FBXL17: variants seen among roughly 807,000 people sequenced by gnomAD.
FBXL17 encodes F-box/LRR-repeat protein 17.
A neutral mutation model predicts 66.2 loss-of-function variants in FBXL17; 22 were observed. That is an observed-to-expected ratio of 0.33 (90% CI 0.24 to 0.47). The LOEUF (loss-of-function observed/expected upper bound fraction) is 0.47, where lower values mean the gene tolerates loss of function less well. Among genes scored for constraint, FBXL17 ranks in the 20% least tolerant of loss-of-function variants. The pLI is 1.00. For missense variants in FBXL17, 878 were observed against 948.2 expected (o/e 0.93, Z 0.97); for synonymous variants, 474 against 400.5 (o/e 1.18, Z -2.19).
intron 4 of FBXL17, among the ~76,000 whole-genome samples, chr5:108,330,719 C>T (rs989151930): frequency 6.6e-6 from 1 of 152,026 alleles, no homozygotes; most frequent in Non-Finnish European, 1.5e-5. Context: ...ATCACAGGTA[C>T]ACACACATCA....
At chr5:107,973,608 G>A (rs113467836) in intron 7 of FBXL17, among the ~76,000 whole-genome samples, 3 of 152,026 alleles carry the variant, frequency 2.0e-5, no homozygotes, top group South Asian at 2.1e-4. Context: ...GTTTTGAAAT[G>A]TGATTTATAT....
chr5:108,294,358 ATTC>A (rs1758259274), intron 4 of FBXL17, among the ~76,000 whole-genome samples: 1 of 150,940 alleles, frequency 6.6e-6, no homozygotes, highest in Admixed American at 6.6e-5. Flanking sequence ...AAAAGGATGA[ATTC>A]TTCTTATTTT....
In FBXL17 at chr5:107,879,434, T is replaced by G. The variant is rs1580675298; in HGVS notation, c.1965+1603A>C. ...GGCATTAGGTTGGTTAGTGGAAAGA[T>G]TTGTGGGAGACTCGCAAGCCCCGGA... On this transcript the variant is annotated intron_variant, in intron 8 of 8. Coordinates refer to ENST00000542267, the MANE Select transcript of FBXL17 (RefSeq NM_001163315.3). 1.0e-5 allele frequency: 10 copies of G among 985,424 alleles called. 2 individuals are homozygous for G. In the South Asian group the frequency reaches 1.9e-4, roughly 19 times the overall value. 61.0% of individuals were successfully genotyped at this position (985,424 alleles called of 1,614,324 possible). A position where few individuals can be genotyped will look rare whatever the true frequency, so the allele number is the denominator to read the frequency against.
At chr5:108,211,460 G>C (rs1321166818) in intron 5 of FBXL17, among the ~76,000 whole-genome samples, 1 of 152,158 alleles carries the variant, frequency 6.6e-6, no homozygotes, top group Non-Finnish European at 1.5e-5. Flanking sequence ...GCAGTGGCTG[G>C]TACTGGTTTC....
At chr5:108,040,898 GC>G (rs1250426473) in intron 6 of FBXL17, among the ~76,000 whole-genome samples, 5 of 152,062 alleles carry the variant, frequency 3.3e-5, no homozygotes, top group Non-Finnish European at 7.4e-5. Flanking sequence ...CAATAAAACA[GC>G]TATAAAAATC....
At chr5:108,066,632 T>G (rs1026976236) in intron 6 of FBXL17, among the ~76,000 whole-genome samples, 6 of 151,994 alleles carry the variant, frequency 3.9e-5, no homozygotes, top group African/African-American at 1.4e-4. Context: ...GCCAAAACAT[T>G]AAAACGTTCT....
chr5:108,132,420 C>T (rs1750972786), intron 6 of FBXL17, among the ~76,000 whole-genome samples: 1 of 152,094 alleles, frequency 6.6e-6, no homozygotes, highest in Non-Finnish European at 1.5e-5. Flanking sequence ...ACAGAAACCC[C>T]TAATTACTTA....
intron 3 of FBXL17, among the ~76,000 whole-genome samples, chr5:108,350,901 T>G (rs1232355450): frequency 6.6e-6 from 1 of 152,178 alleles, no homozygotes; most frequent in African/African-American, 2.4e-5. Flanking sequence ...TAACAGAAGA[T>G]CTAACCCAAC....
intron 7 of FBXL17, among the ~76,000 whole-genome samples, chr5:107,992,088 TTGTGTG>T (rs3039988): frequency 0.17 from 25,992 of 149,136 alleles, 2,572 homozygotes; most frequent in Middle Eastern, 0.25. Context: ...ATCATATTAA[TTGTGTG>T]TGTGTGTGTG....
chr5:108,134,276 GTAAA>G (rs569239089), intron 6 of FBXL17, among the ~76,000 whole-genome samples: 54 of 152,138 alleles, frequency 3.5e-4, no homozygotes, highest in Admixed American at 4.6e-4. Context: ...ATATGGAGTT[GTAAA>G]TAGAGAGAAT....
intron 7 of FBXL17, among the ~76,000 whole-genome samples, chr5:107,882,945 C>G (rs2112504338): frequency 6.6e-6 from 1 of 152,104 alleles, no homozygotes; most frequent in East Asian, 1.9e-4. Context: ...TCACAGCCTG[C>G]TTTATAAGCA....
chr5:108,278,559 G>A (rs1387027485), intron 4 of FBXL17, among the ~76,000 whole-genome samples: 1 of 152,200 alleles, frequency 6.6e-6, no homozygotes, highest in Non-Finnish European at 1.5e-5. Flanking sequence ...TTGATCTTGA[G>A]CTTGGCAGGG....
rs184927654 is a variant in FBXL17, at chr5:108,245,717, T to C, written c.1507-21489A>G. Among the ~76,000 whole-genome samples the C allele has an allele frequency of 4.9e-3, 746 of 152,306 alleles. 11 individuals are homozygous for C. The highest frequency in any genetic ancestry group is 2.9e-3 in the South Asian group (14 of 4,830). Reference sequence around the variant, plus strand: ...ACAGGAAAGCACAGAAGACATTTTCTTTGTCACTTTTGGCAGAGAGGAAAA... The same window carrying C: ...ACAGGAAAGCACAGAAGACATTTTCCTTGTCACTTTTGGCAGAGAGGAAAA... On this transcript the variant is annotated intron_variant, in intron 4 of 8. Coordinates refer to ENST00000542267, the MANE Select transcript of FBXL17 (RefSeq NM_001163315.3).
chr5:108,042,785 C>T (rs1412867750), intron 6 of FBXL17, among the ~76,000 whole-genome samples: 5 of 152,068 alleles, frequency 3.3e-5, no homozygotes, highest in African/African-American at 7.2e-5. Flanking sequence ...TTGGGTCATA[C>T]GGTAGTTGCA....
In FBXL17 at chr5:108,224,145, A is replaced by G; in HGVS notation, c.1590T>C (p.Ser530=). The change falls in exon 5 of 9, where the codon TCT becomes TCC. Residue 530 remains serine, a synonymous_variant. Transcript: ENST00000542267. Reference sequence around the variant, plus strand: ...CCTTGGTTAGGTGAATGACTCCTTTAGAAGTGACTGAACAACCCATGAAGC... The same window carrying G: ...CCTTGGTTAGGTGAATGACTCCTTTGGAAGTGACTGAACAACCCATGAAGC... The part of the protein sequence containing the change: ...YVGFMGCSVT[S]KGVIHLTKLR... 6.2e-7 allele frequency: 1 copy of G among 1,609,514 alleles called. No individual in the cohort carries two copies. Among genetic ancestry groups the G allele is most frequent in the Non-Finnish European group, 8.5e-7 (1 of 1,176,460 alleles).
chr5:108,198,972 CTT>C (rs564480195), intron 5 of FBXL17, among the ~76,000 whole-genome samples: 72 of 152,170 alleles, frequency 4.7e-4, no homozygotes, highest in African/African-American at 1.6e-3. Context: ...AAATTTATAA[CTT>C]TGATTTATAT....
At chr5:108,108,308 T>C (rs1230025922) in intron 6 of FBXL17, among the ~76,000 whole-genome samples, 2 of 152,224 alleles carry the variant, frequency 1.3e-5, no homozygotes, top group Non-Finnish European at 2.9e-5. Context: ...CAGTGTAGTT[T>C]TATTTTATTC....
In FBXL17 at chr5:108,179,955, G is replaced by C. The variant is rs576093299; in HGVS notation, c.1745+6162C>G. 6.6e-5 allele frequency among the ~76,000 whole-genome samples: 10 copies of C among 152,090 alleles called. No individual in the cohort carries two copies. In the South Asian group the frequency reaches 1.9e-3, roughly 28 times the overall value. On this transcript the variant is annotated intron_variant, in intron 6 of 8. Coordinates refer to ENST00000542267, the MANE Select transcript of FBXL17 (RefSeq NM_001163315.3). ...GGGAAGAGTGGATAAATGGAAAGGG[G>C]GCCAAAGAGAACAGTCCATTCATCA...
intron 6 of FBXL17, among the ~76,000 whole-genome samples, chr5:108,101,787 T>G (rs1222200138): frequency 6.6e-6 from 1 of 152,250 alleles, no homozygotes; most frequent in Non-Finnish European, 1.5e-5. Flanking sequence ...AATCTGTGGC[T>G]TTTATTTTAA....
Sources: allele counts gnomAD v4.1 joint callset (sites outside exome capture counted in the v4.1 genomes callset), GRCh38; gene constraint gnomAD v4.1.1; transcripts MANE v1.5; gene names NCBI Gene and HGNC (gene_info 2026-07-23, HGNC 2026-07-21).